The following LINGO2 variants were observed in gnomAD, a reference collection of about 807,000 sequenced individuals.
LINGO2 encodes leucine rich repeat and Ig domain containing 2, also known as leucine-rich repeat and immunoglobulin-like domain-containing nogo receptor-interacting protein 2.
Under a neutral mutation model 30.6 loss-of-function variants are expected in LINGO2, and 14 were observed. The observed-to-expected ratio is 0.46, with a 90% confidence interval of 0.30 to 0.72. The LOEUF is 0.72. Among genes scored for constraint, LINGO2 ranks in the 30% least tolerant of loss-of-function variants. The probability of loss-of-function intolerance (pLI) is 0.07; values close to 1 mark genes in which losing one functional copy is unlikely to be tolerated. For missense variants in LINGO2, 729 were observed against 751.7 expected (o/e 0.97, Z 0.35); for synonymous variants, 317 against 288.5 (o/e 1.10, Z -1.00).
intron 1 of LINGO2, among the ~76,000 whole-genome samples, chr9:28,572,235 A>C (rs7855799): frequency 0.51 from 76,768 of 151,880 alleles, 19,824 homozygotes; most frequent in East Asian, 0.65. Flanking sequence ...CATATTTTAT[A>C]ACACAAATGA....
chr9:28,443,109 T>C (rs1281102931), intron 2 of LINGO2, among the ~76,000 whole-genome samples: 1 of 152,126 alleles, frequency 6.6e-6, no homozygotes, highest in African/African-American at 2.4e-5. Flanking sequence ...AGAGGAAAAA[T>C]GACGTAATAG....
At position 28,654,054 on chromosome 9, in the gene LINGO2, CTA is replaced by C. The variant is rs78689389; in HGVS notation, c.-365+16144_-365+16145del. On this transcript the variant is annotated intron_variant, in intron 1 of 5. Transcript: ENST00000379992. ...ATAACATGAGTGTTTTGCTAAATGACTATGTATATAATGACTTGTCTTCTTAG... is the reference window on the plus strand; with the variant it reads ...ATAACATGAGTGTTTTGCTAAATGACTGTATATAATGACTTGTCTTCTTAG... Among the ~76,000 whole-genome samples the C allele has an allele frequency of 9.4e-3, 1,424 of 152,116 alleles. 29 individuals are homozygous for C. Among genetic ancestry groups the C allele is most frequent in the East Asian group, 0.08 (412 of 5,176 alleles).
At chr9:28,645,530 G>A (rs1165591045) in intron 1 of LINGO2, among the ~76,000 whole-genome samples, 2 of 152,068 alleles carry the variant, frequency 1.3e-5, no homozygotes, top group South Asian at 2.1e-4. Context: ...TTTTTATTGT[G>A]ACTGAAATCA....
intron 4 of LINGO2, among the ~76,000 whole-genome samples, chr9:28,063,351 TAG>T (rs1453561513): frequency 6.6e-6 from 1 of 152,148 alleles, no homozygotes; most frequent in East Asian, 1.9e-4. Flanking sequence ...ATAATATTAA[TAG>T]AGTCATGTAA....
intron 1 of LINGO2, among the ~76,000 whole-genome samples, chr9:28,533,988 T>C (rs924772929): frequency 1.1e-4 from 16 of 152,188 alleles, no homozygotes; most frequent in Non-Finnish European, 2.9e-5. Flanking sequence ...ACACATCTAA[T>C]AGATTATTGT....
the LINGO2 span, among the ~76,000 whole-genome samples, chr9:28,823,849 C>T: frequency 6.6e-6 from 1 of 152,048 alleles, no homozygotes; most frequent in Admixed American, 6.6e-5. Flanking sequence ...TCTCATTGTT[C>T]TCAGGTGTGT....
chr9:28,581,988 C>T (rs896186513), intron 1 of LINGO2, among the ~76,000 whole-genome samples: 1 of 151,894 alleles, frequency 6.6e-6, no homozygotes, highest in Non-Finnish European at 1.5e-5. Flanking sequence ...TTCATATTGG[C>T]CCTGTTACTA....
At chr9:28,356,530 T>A (rs1820215906) in intron 3 of LINGO2, among the ~76,000 whole-genome samples, 1 of 152,134 alleles carries the variant, frequency 6.6e-6, no homozygotes, top group Non-Finnish European at 1.5e-5. Flanking sequence ...AATTGCTGCT[T>A]TTAACCACTG....
the LINGO2 span, among the ~76,000 whole-genome samples, chr9:29,128,188 T>A: frequency 2.6e-5 from 4 of 152,146 alleles, no homozygotes; most frequent in African/African-American, 4.8e-5. Flanking sequence ...AGGTCAGAGA[T>A]GTCTAACACA....
chr9:28,785,024 T>C, the LINGO2 span, among the ~76,000 whole-genome samples: 1 of 151,772 alleles, frequency 6.6e-6, no homozygotes, highest in Non-Finnish European at 1.5e-5. Flanking sequence ...AAAAGTATAG[T>C]ATAATGTGGA....
the LINGO2 span, among the ~76,000 whole-genome samples, chr9:28,912,348 T>C: frequency 6.6e-6 from 1 of 152,134 alleles, no homozygotes; most frequent in East Asian, 1.9e-4. Context: ...TCCTTTTTTT[T>C]CAGCCTAAAT....
intron 1 of LINGO2, among the ~76,000 whole-genome samples, chr9:28,614,577 AAACT>A (rs1198346620): frequency 1.3e-5 from 2 of 152,156 alleles, no homozygotes; most frequent in Non-Finnish European, 2.9e-5. Flanking sequence ...ATAACTTCTA[AAACT>A]AACTGTATAG....
chr9:28,819,220 C>T, the LINGO2 span, among the ~76,000 whole-genome samples: 3 of 152,106 alleles, frequency 2.0e-5, no homozygotes, highest in African/African-American at 4.8e-5. Context: ...TACTTGTCAA[C>T]CTCCTCGCTC....
chr9:28,579,366 A>G (rs911886624), intron 1 of LINGO2, among the ~76,000 whole-genome samples: 1 of 152,096 alleles, frequency 6.6e-6, no homozygotes, highest in African/African-American at 2.4e-5. Context: ...TCCATTTTTT[A>G]TTAGTATTAA....
chr9:28,495,056 G>C (rs1587752608), intron 1 of LINGO2, among the ~76,000 whole-genome samples: 1 of 152,094 alleles, frequency 6.6e-6, no homozygotes, highest in Non-Finnish European at 1.5e-5. Flanking sequence ...CCCACTTTTT[G>C]ATGGGGTTGT....
At chr9:28,633,415 GA>G (rs1388981923) in intron 1 of LINGO2, among the ~76,000 whole-genome samples, 1 of 151,958 alleles carries the variant, frequency 6.6e-6, no homozygotes, top group East Asian at 1.9e-4. Context: ...GTGGTGTGCT[GA>G]ATAAATTTCC....
the LINGO2 span, among the ~76,000 whole-genome samples, chr9:29,158,104 A>G: frequency 0.042 from 6,437 of 151,876 alleles, 203 homozygotes; most frequent in Admixed American, 0.08. Flanking sequence ...GAACTTTGGG[A>G]GGCCAAGGTG....
At chr9:28,872,572 G>A in the LINGO2 span, among the ~76,000 whole-genome samples, 1 of 152,228 alleles carries the variant, frequency 6.6e-6, no homozygotes, top group East Asian at 1.9e-4. Flanking sequence ...ATGGCAAAAA[G>A]ATTCCATCAA....
At chr9:27,980,733 T>C (rs538127820) in intron 5 of LINGO2, among the ~76,000 whole-genome samples, 4 of 151,976 alleles carry the variant, frequency 2.6e-5, no homozygotes, top group African/African-American at 7.2e-5. Context: ...AAGTGAGAGG[T>C]TGGCCTATCT....
Sources: gnomAD v4.1 joint callset for allele counts (sites outside exome capture counted in the v4.1 genomes callset) on GRCh38, gnomAD v4.1.1 for gene constraint, MANE v1.5 for transcripts, NCBI Gene and HGNC (gene_info 2026-07-23, HGNC 2026-07-21) for gene names.